UGT1A9: variants seen among roughly 807,000 people sequenced by gnomAD.
UGT1A9 encodes the protein UDP glucuronosyltransferase family 1 member A9.
UGT1A9 carries 35 observed loss-of-function variants against 45.0 expected under a neutral mutation model. The observed-to-expected ratio is 0.78, with a 90% CI of 0.59 to 1.03. UGT1A9 has a LOEUF of 1.03. Ranked by LOEUF, UGT1A9 falls within the 50% of genes least tolerant of loss-of-function variation. The probability of loss-of-function intolerance (pLI) is 0.00; values close to 1 mark genes in which losing one functional copy is unlikely to be tolerated. For synonymous variants in UGT1A9, 278 were observed against 250.6 expected (o/e 1.11, Z -1.03); for missense variants, 687 against 666.6 (o/e 1.03, Z -0.34).
At chr2:233,698,370 A>G (rs531245162) in intron 1 of UGT1A9, among the ~76,000 whole-genome samples, 3 of 152,340 alleles carry the variant, frequency 2.0e-5, no homozygotes, top group African/African-American at 7.2e-5. Flanking sequence ...AATGCCATGA[A>G]ATTGTTCACT....
At chr2:233,677,522 A>C (rs1213287433) in intron 1 of UGT1A9, among the ~76,000 whole-genome samples, 1 of 152,220 alleles carries the variant, frequency 6.6e-6, no homozygotes, top group African/African-American at 2.4e-5. Flanking sequence ...TATTATGACA[A>C]TGCAGCTAGC....
At chr2:233,692,098 G>T (rs1311046978) in intron 1 of UGT1A9, 2 of 152,140 alleles carry the variant, frequency 1.3e-5, no homozygotes, top group African/African-American at 4.8e-5. Flanking sequence ...TTTGATCACC[G>T]ATGGGCAACA....
intron 1 of UGT1A9, among the ~76,000 whole-genome samples, chr2:233,714,517 G>T (rs935645959): frequency 6.6e-6 from 1 of 152,118 alleles, no homozygotes; most frequent in Non-Finnish European, 1.5e-5. Context: ...TTCTTACTAG[G>T]TTAACTTCAT....
rs537699607 is a variant in UGT1A9, at chr2:233,703,598, C to T, written c.855+30809C>T. On this transcript the variant is annotated intron_variant, in intron 1 of 4. Coordinates refer to ENST00000354728, the MANE Select transcript of UGT1A9 (RefSeq NM_021027.3). ...GTCTATATTATCTTGCTTCATGATA[C>T]TGTGTCATTAAAAAAGTCTATTTTA... is the stretch of plus-strand genomic sequence containing the variant. Among the ~76,000 whole-genome samples the T allele has an allele frequency of 5.3e-5, 8 of 152,226 alleles. No individual in the cohort carries two copies. The East Asian group carries it at 1.5e-3, about 29-fold the overall frequency.
Position 233,769,613 on chromosome 2 carries a change from C to A in UGT1A9, c.1295+1174C>A. 6 of 1,612,708 alleles carry A rather than the reference C, an allele frequency of 3.7e-6. No individual in the cohort carries two copies. Among genetic ancestry groups the A allele is most frequent in the Non-Finnish European group, 5.1e-6 (6 of 1,179,824 alleles). Reference sequence around the variant, plus strand: ...GAGACGGAACACGGGGACACACCAGCTTGAGCAAGGGACAACAGGGGAGGA... The same window carrying A: ...GAGACGGAACACGGGGACACACCAGATTGAGCAAGGGACAACAGGGGAGGA... On this transcript the variant is annotated intron_variant, in intron 4 of 4. Transcript: ENST00000354728. The surrounding 1 kb of genome is among the most constrained non-coding windows in gnomAD (Gnocchi z 4.4).
intron 1 of UGT1A9, among the ~76,000 whole-genome samples, chr2:233,731,894 C>A (rs1470586397): frequency 6.6e-6 from 1 of 152,238 alleles, no homozygotes; most frequent in Non-Finnish European, 1.5e-5. Context: ...AATTTACACT[C>A]CCACCAATGG....
At chr2:233,765,715 T>C (rs1435382994) in intron 1 of UGT1A9, among the ~76,000 whole-genome samples, 2 of 140,082 alleles carry the variant, frequency 1.4e-5, no homozygotes, top group African/African-American at 6.4e-5. Flanking sequence ...TAATAATTAA[T>C]AATAATAATA....
chr2:233,755,042 G>GCCGCCCT (rs756876543), intron 1 of UGT1A9: 2 of 1,323,886 alleles, frequency 1.5e-6, no homozygotes, highest in African/African-American at 3.0e-5. Context: ...CGCCTGCGCA[G>GCCGCCCT]CCGCCCTCCG....
In UGT1A9 at chr2:233,768,019, T is replaced by C. The variant is rs1002687520; in HGVS notation, c.1075+83T>C. The C allele has an allele frequency of 6.2e-6, 10 of 1,613,626 alleles. No individual in the cohort carries two copies. In the African/African-American group the frequency reaches 1.2e-4, roughly 19 times the overall value. On this transcript the variant is annotated intron_variant, in intron 3 of 4. Coordinates refer to ENST00000354728, the MANE Select transcript of UGT1A9 (RefSeq NM_021027.3). ...TAAGCACAGCTATTCTAAAGGATTG[T>C]TGAGCTTGAAAATATTATGGCCAAC...
At chr2:233,704,315 A>G (rs2075780426) in intron 1 of UGT1A9, among the ~76,000 whole-genome samples, 2 of 132,700 alleles carry the variant, frequency 1.5e-5, no homozygotes, top group South Asian at 4.6e-4. Flanking sequence ...AAATCCTTTA[A>G]TGTTTTTCTT....
At chr2:233,765,778 A>G (rs1698945501) in intron 1 of UGT1A9, among the ~76,000 whole-genome samples, 2 of 152,070 alleles carry the variant, frequency 1.3e-5, no homozygotes, top group African/African-American at 2.4e-5. Context: ...GATTCATTGG[A>G]CCACTGAAAA....
intron 1 of UGT1A9, chr2:233,761,095 C>T (rs765208275): frequency 1.2e-6 from 2 of 1,614,060 alleles, no homozygotes; most frequent in Admixed American, 3.3e-5. Context: ...GCCCATCATG[C>T]CCAATATGGT....
intron 1 of UGT1A9, among the ~76,000 whole-genome samples, chr2:233,763,176 T>C (rs1474049260): frequency 6.6e-6 from 1 of 152,268 alleles, no homozygotes; most frequent in Admixed American, 6.5e-5. Context: ...GTTGACTACA[T>C]ATTTGTTGTT....
intron 1 of UGT1A9, among the ~76,000 whole-genome samples, chr2:233,764,942 G>C (rs12479045): frequency 0.069 from 10,555 of 152,174 alleles, 509 homozygotes; most frequent in East Asian, 0.2. Flanking sequence ...TGAGAGTGGC[G>C]GGGAGAGAGG....
intron 1 of UGT1A9, chr2:233,721,965 A>G (rs58524075): frequency 0.012 from 3,584 of 301,472 alleles, 120 homozygotes; most frequent in African/African-American, 0.073. Flanking sequence ...ATATGCATAC[A>G]TTGATGGCCT....
intron 1 of UGT1A9, chr2:233,744,077 T>C: frequency 4.4e-6 from 2 of 457,126 alleles, no homozygotes; most frequent in Non-Finnish European, 7.3e-6. Flanking sequence ...GCGCCTCGCA[T>C]CCCAAGATGC....
intron 1 of UGT1A9, among the ~76,000 whole-genome samples, chr2:233,710,407 T>G (rs143150461): frequency 6.6e-6 from 1 of 152,346 alleles, no homozygotes; most frequent in Admixed American, 6.5e-5. Context: ...CTGGCTGCTC[T>G]GTATTTGTGC....
intron 1 of UGT1A9, among the ~76,000 whole-genome samples, chr2:233,763,811 C>G (rs980088030): frequency 3.3e-5 from 5 of 152,180 alleles, no homozygotes; most frequent in African/African-American, 1.2e-4. Context: ...CTCAAGAATT[C>G]CAAGATGTTC....
intron 1 of UGT1A9, chr2:233,743,329 A>G: frequency 4.0e-6 from 3 of 753,958 alleles, no homozygotes; most frequent in East Asian, 1.3e-4. Context: ...ACCATCAACT[A>G]TTTCAGTGGA....
Sources: allele counts gnomAD v4.1 joint callset (sites outside exome capture counted in the v4.1 genomes callset), GRCh38; gene constraint gnomAD v4.1.1; non-coding constraint Gnocchi (gnomAD v3.1); transcripts MANE v1.5; gene names NCBI Gene and HGNC (gene_info 2026-07-23, HGNC 2026-07-21).